LYPD6: variants seen among roughly 807,000 people sequenced by gnomAD.
The protein encoded by LYPD6 is LY6/PLAUR domain containing 6.
In LYPD6, 15 loss-of-function variants were observed where a neutral mutation model predicts 22.7. The observed-to-expected ratio is 0.66, with a 90% confidence interval of 0.44 to 1.02. The LOEUF (loss-of-function observed/expected upper bound fraction) is 1.02, where lower values mean the gene tolerates loss of function less well. Ranked by LOEUF, LYPD6 falls within the 50% of genes least tolerant of loss-of-function variation. The probability of loss-of-function intolerance (pLI) is 0.00; values close to 1 mark genes in which losing one functional copy is unlikely to be tolerated. For synonymous variants in LYPD6, 72 were observed against 77.5 expected (o/e 0.93, Z 0.37); for missense variants, 189 against 208.4 (o/e 0.91, Z 0.57).
intron 1 of LYPD6, among the ~76,000 whole-genome samples, chr2:149,420,473 T>C (rs1213398849): frequency 2.0e-5 from 3 of 152,152 alleles, no homozygotes; most frequent in African/African-American, 7.2e-5. Flanking sequence ...CAAGACATTT[T>C]CTCTTTTGTT....
chr2:149,402,800 T>C (rs1467646616), intron 1 of LYPD6, among the ~76,000 whole-genome samples: 1 of 152,110 alleles, frequency 6.6e-6, no homozygotes, highest in Admixed American at 6.5e-5. Context: ...TACATATGTA[T>C]ACATGTGCCA....
At chr2:149,341,332 A>G (rs1241995350) in intron 1 of LYPD6, among the ~76,000 whole-genome samples, 2 of 152,122 alleles carry the variant, frequency 1.3e-5, no homozygotes, top group African/African-American at 4.8e-5. Context: ...CAGCCTCCCC[A>G]AAGATGCCTT....
At chr2:149,478,283 C>T (rs1232628390), downstream of LYPD6, among the ~76,000 whole-genome samples, 1 of 152,000 alleles carries the variant, frequency 6.6e-6, no homozygotes, top group Non-Finnish European at 1.5e-5. Flanking sequence ...TCCTCAGAGC[C>T]CCTGTTCAGT....
chr2:149,352,887 G>T (rs1426146785), intron 1 of LYPD6, among the ~76,000 whole-genome samples: 3 of 152,206 alleles, frequency 2.0e-5, no homozygotes. Context: ...TCTGAAGAAG[G>T]TTTCTTGCAA....
intron 1 of LYPD6, among the ~76,000 whole-genome samples, chr2:149,380,944 G>A (rs1282736261): frequency 2.0e-5 from 3 of 152,166 alleles, no homozygotes; most frequent in Non-Finnish European, 4.4e-5. Flanking sequence ...AGTCCCAGAA[G>A]CCAACTGAAG....
At chr2:149,419,472 T>C (rs893174944) in intron 1 of LYPD6, among the ~76,000 whole-genome samples, 1 of 152,226 alleles carries the variant, frequency 6.6e-6, no homozygotes, top group Admixed American at 6.5e-5. Flanking sequence ...TTAACTTAAA[T>C]TTCAATTAAA....
At position 149,470,711 on chromosome 2, in the gene LYPD6, T is replaced by C. The variant is rs770114681; in HGVS notation, c.377T>C (p.Ile126Thr). 36 of 1,613,696 alleles carry C rather than the reference T, an allele frequency of 2.2e-5. No individual in the cohort carries two copies. The highest frequency in any genetic ancestry group is 2.9e-5 in the Non-Finnish European group (34 of 1,179,782). Residue 126 changes from isoleucine (I) to threonine (T), a missense_variant, in exon 5 of 5, where the codon ATC (isoleucine) becomes ACC (threonine). Physicochemically the swap from Ile to Thr is moderately conservative, Grantham distance 89 (BLOSUM62 -1). Transcript: ENST00000334166. ...TGCACTTCTTGTTGTGAAGGAAATA[T>C]CTGTAACTTGCCACTGCCCCGAAAT... ...KVCTSCCEGN[I>T]CNLPLPRNET...
chr2:149,374,683 A>G (rs998410481), intron 1 of LYPD6, among the ~76,000 whole-genome samples: 3 of 152,182 alleles, frequency 2.0e-5, no homozygotes, highest in African/African-American at 4.8e-5. Flanking sequence ...AGTCCAGTCT[A>G]TAGTAAGTTT....
intron 1 of LYPD6, among the ~76,000 whole-genome samples, chr2:149,335,483 T>C (rs936994108): frequency 6.6e-6 from 1 of 152,330 alleles, no homozygotes; most frequent in African/African-American, 2.4e-5. Context: ...AATCAAAAAG[T>C]TAAAACATAT....
At chr2:149,404,030 A>T (rs185329686) in intron 1 of LYPD6, among the ~76,000 whole-genome samples, 2 of 152,302 alleles carry the variant, frequency 1.3e-5, no homozygotes, top group African/African-American at 2.4e-5. Flanking sequence ...TTTGTCAAAG[A>T]TCACATAGTT....
At chr2:149,469,448 C>T (rs891979239) in intron 4 of LYPD6, among the ~76,000 whole-genome samples, 14 of 152,244 alleles carry the variant, frequency 9.2e-5, no homozygotes, top group South Asian at 2.1e-4. Context: ...GCTGTCTATA[C>T]GTGTGACCTT....
intron 2 of LYPD6, among the ~76,000 whole-genome samples, chr2:149,439,041 C>T (rs998293551): frequency 5.9e-5 from 9 of 152,156 alleles, no homozygotes; most frequent in African/African-American, 2.2e-4. Flanking sequence ...TACTCGTTAG[C>T]ATTATTTTAT....
chr2:149,451,818 C>A (rs767342592), intron 3 of LYPD6, among the ~76,000 whole-genome samples: 6 of 152,132 alleles, frequency 3.9e-5, no homozygotes, highest in African/African-American at 7.2e-5. Context: ...ATGCTAGGCC[C>A]CTTGGGGAAT....
intron 1 of LYPD6, among the ~76,000 whole-genome samples, chr2:149,395,361 AC>A (rs905933778): frequency 6.6e-6 from 1 of 152,194 alleles, no homozygotes; most frequent in Non-Finnish European, 1.5e-5. Flanking sequence ...ATTTGATATT[AC>A]CTAAAAATGT....
chr2:149,352,455 A>C (rs1280535163), intron 1 of LYPD6, among the ~76,000 whole-genome samples: 1 of 152,226 alleles, frequency 6.6e-6, no homozygotes, highest in African/African-American at 2.4e-5. Flanking sequence ...AGTTCATTCC[A>C]GTGAATAGAA....
In LYPD6 at chr2:149,471,081, T is replaced by C; in HGVS notation, c.*231T>C. On this transcript the variant is annotated 3_prime_UTR_variant, in exon 5 of 5. Transcript: ENST00000334166. Reference sequence around the variant, plus strand: ...TTCTGTCAGTACAGCCCAAGTTCCATACCATAAACGTTTGTTTTCATTCCA... The same window carrying C: ...TTCTGTCAGTACAGCCCAAGTTCCACACCATAAACGTTTGTTTTCATTCCA... The C allele has an allele frequency of 2.5e-6, 1 of 405,818 alleles. No homozygotes were observed. The highest frequency in any genetic ancestry group is 4.4e-6 in the Non-Finnish European group (1 of 224,942). 25.1% of individuals were successfully genotyped at this position (405,818 alleles called of 1,614,324 possible).
At chr2:149,456,348 T>C (rs1680957591) in intron 3 of LYPD6, among the ~76,000 whole-genome samples, 1 of 152,100 alleles carries the variant, frequency 6.6e-6, no homozygotes, top group South Asian at 2.1e-4. Context: ...GAATACTCCA[T>C]GTAAGCAGCA....
intron 1 of LYPD6, among the ~76,000 whole-genome samples, chr2:149,390,323 AC>A: frequency 6.6e-6 from 1 of 152,190 alleles, no homozygotes; most frequent in Non-Finnish European, 1.5e-5. Context: ...TTTGGGAAGG[AC>A]AGTGGCCCTT....
chr2:149,401,868 C>T (rs1173825878), intron 1 of LYPD6, among the ~76,000 whole-genome samples: 1 of 151,838 alleles, frequency 6.6e-6, no homozygotes, highest in South Asian at 2.1e-4. Flanking sequence ...CCACCCCCCA[C>T]CCCTTCCCCC....
Sources: allele counts gnomAD v4.1 joint callset (sites outside exome capture counted in the v4.1 genomes callset), GRCh38; gene constraint gnomAD v4.1.1; transcripts MANE v1.5; gene names NCBI Gene and HGNC (gene_info 2026-07-23, HGNC 2026-07-21).